CSMD1: variants seen among roughly 807,000 people sequenced by gnomAD.
CSMD1 encodes CUB and Sushi multiple domains 1.
CSMD1 carries 213 observed loss-of-function variants against 417.5 expected under a neutral mutation model. The ratio of observed to expected loss-of-function variants is 0.51; its 90% CI spans 0.46 to 0.57. CSMD1 has a LOEUF of 0.57. CSMD1 is among the 20% of genes least tolerant of loss of function. CSMD1 has a pLI of 0.00. For missense variants in CSMD1, 6,923 were observed against 4,529.7 expected (o/e 1.53, Z -15.17); for synonymous variants, 2,862 against 1,736.8 (o/e 1.65, Z -16.11).
intron 5 of CSMD1, among the ~76,000 whole-genome samples, chr8:3,763,413 G>A (rs12675982): frequency 0.21 from 31,344 of 151,982 alleles, 3,550 homozygotes; most frequent in South Asian, 0.28. Flanking sequence ...CTCACTCTTA[G>A]TTTACTCCAG....
intron 3 of CSMD1, among the ~76,000 whole-genome samples, chr8:4,236,475 G>A (rs1199250860): frequency 6.6e-6 from 1 of 152,122 alleles, no homozygotes; most frequent in Non-Finnish European, 1.5e-5. Flanking sequence ...ACAACTGGCT[G>A]TATTCATGGG....
chr8:4,465,750 G>C (rs1187965413), intron 2 of CSMD1, among the ~76,000 whole-genome samples: 1 of 152,078 alleles, frequency 6.6e-6, no homozygotes, highest in Non-Finnish European at 1.5e-5. Context: ...CTAGTTTGTA[G>C]GTCATCTATT....
chr8:4,920,978 GAAACAAAGAAAGAAAGA>G (rs1806441184), intron 1 of CSMD1, among the ~76,000 whole-genome samples: 6 of 23,642 alleles, frequency 2.5e-4, no homozygotes, highest in East Asian at 3.2e-3. Flanking sequence ...AAGAAAGAAA[GAAACAAAGAAAGAAAGA>G]AAAGAAAGAA....
At chr8:3,239,763 C>T (rs1319104399) in intron 26 of CSMD1, among the ~76,000 whole-genome samples, 1 of 152,114 alleles carries the variant, frequency 6.6e-6, no homozygotes, top group South Asian at 2.1e-4. Flanking sequence ...CCTCAATAAA[C>T]CAAGCGTGAT....
chr8:3,315,558 AATTC>A (rs1426850531), intron 23 of CSMD1, among the ~76,000 whole-genome samples: 1 of 151,974 alleles, frequency 6.6e-6, no homozygotes, highest in African/African-American at 2.4e-5. Flanking sequence ...ATTTTCATTT[AATTC>A]ATTCAATTTT....
In CSMD1 at chr8:3,953,297, T is replaced by C. The variant is rs111403442; in HGVS notation, c.818+44606A>G. Among the ~76,000 whole-genome samples the C allele has an allele frequency of 6.6e-3, 1,008 of 152,274 alleles. 9 individuals carry two copies. Among genetic ancestry groups the C allele is most frequent in the African/African-American group, 0.02 (825 of 41,574 alleles). ...TTAAGAGAATTCAACTCAGAAATTC[T>C]CTCATAAAATAAAAGATTATTTAGC... On this transcript the variant is annotated intron_variant, in intron 5 of 69. Transcript: ENST00000635120.
chr8:4,146,907 C>A (rs1000930150), intron 3 of CSMD1, among the ~76,000 whole-genome samples: 2 of 144,338 alleles, frequency 1.4e-5, no homozygotes, highest in East Asian at 3.9e-4. Context: ...GCCACCGCAC[C>A]GGCCAGACAC....
intron 10 of CSMD1, among the ~76,000 whole-genome samples, chr8:3,494,582 AG>A (rs1796285131): frequency 6.6e-6 from 1 of 151,910 alleles, no homozygotes; most frequent in Non-Finnish European, 1.5e-5. Context: ...ATAGATAGAT[AG>A]ATAGATAGAT....
At chr8:3,149,882 T>G (rs1055537904) in intron 40 of CSMD1, among the ~76,000 whole-genome samples, 1 of 152,182 alleles carries the variant, frequency 6.6e-6, no homozygotes, top group Non-Finnish European at 1.5e-5. Flanking sequence ...GCCTCAGATT[T>G]CTCTCATTCT....
At position 3,160,431 on chromosome 8, in the gene CSMD1, T is replaced by C. The variant is rs1819810655; in HGVS notation, c.5844+1728A>G. On this transcript the variant is annotated intron_variant, in intron 38 of 69. Coordinates refer to ENST00000635120, the MANE Select transcript of CSMD1 (RefSeq NM_033225.6). ...AGCCACTGCAACCGGCCTAGGATAA[T>C]TCTTTCTGACATATCAGGTGGATCA... is the stretch of plus-strand genomic sequence containing the variant. Among the ~76,000 whole-genome samples, 5 of 152,302 alleles carry C rather than the reference T, an allele frequency of 3.3e-5. 1 individual carries two copies. The South Asian group carries it at 1.0e-3, about 32-fold the overall frequency.
Position 4,732,090 on chromosome 8 carries a change from G to A in CSMD1, c.86-94532C>T, listed in dbSNP as rs768517368. Among the ~76,000 whole-genome samples the A allele has an allele frequency of 5.3e-5, 8 of 152,130 alleles. No individual in the cohort carries two copies. The South Asian group carries it at 6.2e-4, about 12-fold the overall frequency. On this transcript the variant is annotated intron_variant, in intron 1 of 69. Transcript: ENST00000635120. ...TCTTGCTAATCTTTCCAACAGTCCC[G>A]CATCCTTATCTTCATTTCACAGATG...
chr8:3,268,984 C>T (rs1216082517), intron 26 of CSMD1, among the ~76,000 whole-genome samples: 1 of 152,174 alleles, frequency 6.6e-6, no homozygotes, highest in Non-Finnish European at 1.5e-5. Context: ...CCTCCATCCT[C>T]AAGAATAGGA....
At chr8:4,525,535 C>T (rs182761237) in intron 2 of CSMD1, among the ~76,000 whole-genome samples, 18 of 152,298 alleles carry the variant, frequency 1.2e-4, no homozygotes, top group Non-Finnish European at 2.5e-4. Context: ...TTTACTCTTC[C>T]TTGTAGCAAC....
At chr8:3,270,919 T>C (rs1801798508) in intron 26 of CSMD1, among the ~76,000 whole-genome samples, 1 of 135,468 alleles carries the variant, frequency 7.4e-6, no homozygotes, top group African/African-American at 2.9e-5. Context: ...TTCTTTTTTT[T>C]TTTAATTTTT....
intron 5 of CSMD1, among the ~76,000 whole-genome samples, chr8:3,788,625 C>T (rs1799570008): frequency 6.6e-6 from 1 of 152,180 alleles, no homozygotes; most frequent in Non-Finnish European, 1.5e-5. Context: ...AGTTCATCTA[C>T]ATTTTACTTG....
At chr8:3,858,873 G>A (rs1042787253) in intron 5 of CSMD1, among the ~76,000 whole-genome samples, 1 of 152,058 alleles carries the variant, frequency 6.6e-6, no homozygotes, top group East Asian at 1.9e-4. Context: ...AGTAGGATCA[G>A]GTTTATCGTG....
intron 6 of CSMD1, among the ~76,000 whole-genome samples, chr8:3,722,974 C>T (rs896354041): frequency 5.9e-5 from 9 of 152,166 alleles, no homozygotes; most frequent in African/African-American, 7.2e-5. Flanking sequence ...CTTAAAGCAG[C>T]ATTTTATCAT....
rs559669740 is a variant in CSMD1, at chr8:4,278,458, A to C, written c.415+141495T>G. Reference sequence around the variant, plus strand: ...ATGCTGCTATAGCTATATAAAATATAATTTTTTAACATGAAAGCAGCATTT... The same window carrying C: ...ATGCTGCTATAGCTATATAAAATATCATTTTTTAACATGAAAGCAGCATTT... On this transcript the variant is annotated intron_variant, in intron 3 of 69. Transcript: ENST00000635120. 1.1e-4 allele frequency among the ~76,000 whole-genome samples: 16 copies of C among 152,330 alleles called. No homozygotes were observed. In the South Asian group the frequency reaches 3.1e-3, roughly 30 times the overall value.
rs540219746 is a variant in CSMD1, at chr8:4,479,240, T to C, written c.303-59175A>G. 2.6e-5 allele frequency among the ~76,000 whole-genome samples: 4 copies of C among 152,338 alleles called. No individual in the cohort carries two copies. The South Asian group carries it at 8.3e-4, about 32-fold the overall frequency. Reference sequence around the variant, plus strand: ...TACCCCTGGAATTACATATTAATATTGCCAGCATATTATCTCAGGAATAAA... The same window carrying C: ...TACCCCTGGAATTACATATTAATATCGCCAGCATATTATCTCAGGAATAAA... On this transcript the variant is annotated intron_variant, in intron 2 of 69. Coordinates refer to ENST00000635120, the MANE Select transcript of CSMD1 (RefSeq NM_033225.6).
Sources: allele counts gnomAD v4.1 joint callset (sites outside exome capture counted in the v4.1 genomes callset), GRCh38; gene constraint gnomAD v4.1.1; transcripts MANE v1.5; gene names NCBI Gene and HGNC (gene_info 2026-07-23, HGNC 2026-07-21).